The following SLC41A3 variants were observed in gnomAD, a reference collection of about 807,000 sequenced individuals.
The protein encoded by SLC41A3 is solute carrier family 41 member 3.
Under a neutral mutation model 45.4 loss-of-function variants are expected in SLC41A3, and 44 were observed. That is an observed-to-expected ratio of 0.97 (90% confidence interval 0.76 to 1.25). The LOEUF is 1.25. SLC41A3 is among the 50% of genes most tolerant of loss of function. The pLI is 0.00. For synonymous variants in SLC41A3, 256 were observed against 252.4 expected, an observed-to-expected ratio of 1.01 and a Z score of -0.13; for missense variants, 550 against 600.6, an observed-to-expected ratio of 0.92 and a Z score of 0.88.
chr3:126,034,153 C>T (rs1359319415), intron 3 of SLC41A3, among the ~76,000 whole-genome samples: 1 of 152,248 alleles, frequency 6.6e-6, no homozygotes, highest in African/African-American at 2.4e-5. Flanking sequence ...CAACACCCTC[C>T]TCTACCCTGA....
chr3:126,046,643 G>A (rs1372718726), intron 3 of SLC41A3, among the ~76,000 whole-genome samples: 1 of 152,132 alleles, frequency 6.6e-6, no homozygotes, highest in Non-Finnish European at 1.5e-5. Flanking sequence ...CATATCCATG[G>A]ACTGGAAGAC....
intron 9 of SLC41A3, among the ~76,000 whole-genome samples, chr3:126,010,119 CA>C (rs2107640892): frequency 6.6e-6 from 1 of 152,346 alleles, no homozygotes; most frequent in Non-Finnish European, 1.5e-5. Flanking sequence ...TTCTTTGCCT[CA>C]CATAACCAAG....
At chr3:126,101,038 A>C (rs1945697608) in intron 1 of SLC41A3, among the ~76,000 whole-genome samples, 1 of 152,254 alleles carries the variant, frequency 6.6e-6, no homozygotes. Context: ...GGGGGAGATG[A>C]GCCTCCATGA....
chr3:126,073,427 C>G (rs1012043463), intron 1 of SLC41A3, among the ~76,000 whole-genome samples: 10 of 151,918 alleles, frequency 6.6e-5, no homozygotes, highest in African/African-American at 2.4e-4. Flanking sequence ...AGAACAAGAC[C>G]CTGTCTCAGA....
chr3:126,085,643 A>G (rs923726447), upstream of SLC41A3, among the ~76,000 whole-genome samples: 6 of 152,260 alleles, frequency 3.9e-5, no homozygotes, highest in East Asian at 5.8e-4. Flanking sequence ...GGTTTTCTTT[A>G]TTGCTTTTTC....
At chr3:126,035,373 C>T (rs1942108815) in intron 3 of SLC41A3, among the ~76,000 whole-genome samples, 3 of 151,992 alleles carry the variant, frequency 2.0e-5, no homozygotes, top group Non-Finnish European at 2.9e-5. Flanking sequence ...GGGAAGGAGG[C>T]GAGATGGGAC....
chr3:126,057,194 A>C, intron 2 of SLC41A3: 4,307 of 949,880 alleles, frequency 4.5e-3, no homozygotes, highest in Non-Finnish European at 5.0e-3. Context: ...GGGTCATCTC[A>C]AGTTGTGTCC....
intron 1 of SLC41A3, among the ~76,000 whole-genome samples, chr3:126,097,942 T>C (rs1945636377): frequency 6.6e-6 from 1 of 152,180 alleles, no homozygotes; most frequent in African/African-American, 2.4e-5. Context: ...GTCTCCCCCT[T>C]ACACAGAGCA....
rs1940209117 is a variant in SLC41A3 at position 126,015,686 on chromosome 3, C to A, written c.891-113G>T. 4 of 976,962 alleles carry A rather than the reference C, an allele frequency of 4.1e-6. No individual in the cohort carries two copies. The Admixed American group carries it at 7.7e-5, about 19-fold the overall frequency. 60.5% of individuals were successfully genotyped at this position (976,962 alleles called of 1,614,324 possible). The stretch of plus-strand genomic sequence containing the variant: ...CAGCTTCCCATCCTTGGCTGTCACT[C>A]TCCTCTCCCCTACACAAAATATCTG... On this transcript the variant is annotated intron_variant, in intron 7 of 10. Transcript: ENST00000360370.
Position 126,006,365 on chromosome 3 carries a change from A to G in SLC41A3, c.*651T>C. On this transcript the variant is annotated 3_prime_UTR_variant, in exon 11 of 11. Coordinates refer to ENST00000360370, the MANE Select transcript of SLC41A3 (RefSeq NM_017836.4). The stretch of plus-strand genomic sequence containing the variant: ...TTTAAAGACATAAAGGGTCAAGTAC[A>G]ATATAATCTGTTTTATTTTACACTT... The G allele has an allele frequency of 6.3e-7, 1 of 1,576,954 alleles. No homozygotes were observed. Among genetic ancestry groups the G allele is most frequent in the Non-Finnish European group, 8.7e-7 (1 of 1,155,954 alleles).
chr3:126,051,877 C>T (rs1943359921), intron 2 of SLC41A3, among the ~76,000 whole-genome samples: 1 of 152,084 alleles, frequency 6.6e-6, no homozygotes. Context: ...AGAAAGGCGG[C>T]CTGGGATCTA....
rs143835081 is a variant in SLC41A3 at position 126,023,606 on chromosome 3, G to T, written c.599-674C>A. 7.6e-3 allele frequency: 1,164 copies of T among 152,540 alleles called. 9 individuals are homozygous for T. Among genetic ancestry groups the T allele is most frequent in the Non-Finnish European group, 0.012 (786 of 68,222 alleles). 9.4% of individuals were successfully genotyped at this position (152,540 alleles called of 1,614,324 possible). A position where few individuals can be genotyped will look rare whatever the true frequency, so the allele number is the denominator to read the frequency against. On this transcript the variant is annotated intron_variant, in intron 5 of 10. Transcript: ENST00000360370. ...GGAACAGTCCTGCACTGGGAGCTTA[G>T]CGGTGCTGTCCATGGTGCACTGGGA...
chr3:126,047,941 T>C (rs1033777905), intron 3 of SLC41A3, among the ~76,000 whole-genome samples: 1 of 152,088 alleles, frequency 6.6e-6, no homozygotes, highest in South Asian at 2.1e-4. Context: ...GGCAAAAAGG[T>C]ATCCTACAGA....
At chr3:126,094,548 C>A (rs1016004088) in intron 1 of SLC41A3, among the ~76,000 whole-genome samples, 2 of 152,202 alleles carry the variant, frequency 1.3e-5, no homozygotes, top group Admixed American at 1.3e-4. Flanking sequence ...CCTATGGGAA[C>A]ATTACAGCCA....
intron 2 of SLC41A3, among the ~76,000 whole-genome samples, chr3:126,061,159 G>A (rs997574169): frequency 1.3e-5 from 2 of 152,148 alleles, no homozygotes; most frequent in Non-Finnish European, 2.9e-5. Context: ...CTTGACCCTC[G>A]GCAGGTTCTG....
At chr3:126,067,119 C>T (rs1406363956) in intron 2 of SLC41A3, among the ~76,000 whole-genome samples, 2 of 140,728 alleles carry the variant, frequency 1.4e-5, no homozygotes, top group South Asian at 2.6e-4. Flanking sequence ...CCCCGGCCAC[C>T]GCACCACTAA....
chr3:126,099,835 T>A (rs1945674065), intron 1 of SLC41A3, among the ~76,000 whole-genome samples: 1 of 152,246 alleles, frequency 6.6e-6, no homozygotes, highest in Non-Finnish European at 1.5e-5. Context: ...AGTCTGTCAC[T>A]GTGGCCATCA....
Position 126,097,351 on chromosome 3 carries a change from A to G in SLC41A3, c.-79+4078T>C, listed in dbSNP as rs114288686. Among the ~76,000 whole-genome samples the G allele has an allele frequency of 7.4e-3, 1,128 of 152,042 alleles. 4 individuals are homozygous for G. Among genetic ancestry groups the G allele is most frequent in the Non-Finnish European group, 0.012 (782 of 67,986 alleles). On this transcript the variant is annotated intron_variant, in intron 1 of 9. Transcript: ENST00000508835. Reference sequence around the variant, plus strand: ...TCCCTGGGGCCTGCATTCAATTAACATTTTGCTGTTAACAGGTGTGGACTA... The same window carrying G: ...TCCCTGGGGCCTGCATTCAATTAACGTTTTGCTGTTAACAGGTGTGGACTA...
intron 2 of SLC41A3, among the ~76,000 whole-genome samples, chr3:126,053,020 G>A (rs1001989749): frequency 3.9e-5 from 6 of 152,172 alleles, no homozygotes; most frequent in African/African-American, 1.4e-4. Flanking sequence ...ACGTTGCTAT[G>A]ACTGGTCAGT....
Sources: allele counts gnomAD v4.1 joint callset (sites outside exome capture counted in the v4.1 genomes callset), GRCh38; gene constraint gnomAD v4.1.1; transcripts MANE v1.5; gene names NCBI Gene and HGNC (gene_info 2026-07-23, HGNC 2026-07-21).